The following REXO2 variants were observed in gnomAD, a reference collection of about 807,000 sequenced individuals.
The protein encoded by REXO2 is RNA exonuclease 2.
Under a neutral mutation model 30.9 loss-of-function variants are expected in REXO2, and 17 were observed. The ratio of observed to expected loss-of-function variants is 0.55; its 90% confidence interval spans 0.38 to 0.82. The LOEUF (loss-of-function observed/expected upper bound fraction) is 0.82, where lower values mean the gene tolerates loss of function less well. Among genes scored for constraint, REXO2 ranks in the 40% least tolerant of loss-of-function variants. The pLI, the probability that REXO2 is intolerant of heterozygous loss-of-function variation, is 0.00. For synonymous variants in REXO2, 105 were observed against 99.6 expected, an observed-to-expected ratio of 1.05 and a Z score of -0.32; for missense variants, 253 against 293.2, an observed-to-expected ratio of 0.86 and a Z score of 1.00.
At position 114,439,629 on chromosome 11, in the gene REXO2, C is replaced by T. The variant is rs144763868; in HGVS notation, c.101C>T (p.Ala34Val). 17 of 1,598,852 alleles carry T rather than the reference C, an allele frequency of 1.1e-5. No individual in the cohort carries two copies. The highest frequency in any genetic ancestry group is 1.3e-5 in the Non-Finnish European group (15 of 1,174,512). ...GTCCGCGAAGGTGGCGCAGCCATGG[C>T]GGCAGGGGAGAGCATGGCTCAGCGG... ...RGVREGGAAM[A>V]AGESMAQRMV... Residue 34 changes from alanine (A) to valine (V), a missense_variant, in exon 1 of 7, where the codon GCG becomes GTG. By Grantham distance (64) the Ala-to-Val change is moderately conservative. Transcript: ENST00000265881.
intron 2 of REXO2, 143 bp from the exon 3 acceptor site, chr11:114,443,713 A>T: frequency 1.7e-6 from 1 of 601,788 alleles, no homozygotes; most frequent in South Asian, 2.0e-5. Flanking sequence ...CAGTGCTGGA[A>T]TGAAGGGGGA....
intron 3 of REXO2, 35 bp downstream of exon 3, chr11:114,443,968 G>A: frequency 1.3e-6 from 2 of 1,482,890 alleles, no homozygotes; most frequent in Non-Finnish European, 9.3e-7. Flanking sequence ...GCTGCTTTGG[G>A]GATCAGTAGC....
intron 4 of REXO2, 151 bp downstream of exon 4, chr11:114,444,803 GTGT>G: frequency 2.3e-6 from 1 of 436,482 alleles, no homozygotes; most frequent in African/African-American, 2.0e-5. Context: ...AAGTTTCTCT[GTGT>G]AGTTTATAGC....
At position 114,441,945 on chromosome 11, in the gene REXO2, A is replaced by G. The variant is rs954578856; in HGVS notation, c.231+1206A>G. 4.3e-5 allele frequency: 25 copies of G among 585,228 alleles called. 1 individual carries two copies. Among genetic ancestry groups the G allele is most frequent in the Non-Finnish European group, 2.7e-5 (9 of 330,404 alleles). The allele number at this position is 585,228 out of a possible 1,614,324, so 36.3% of individuals were successfully genotyped here. A position where few individuals can be genotyped will look rare whatever the true frequency, so the allele number is the denominator to read the frequency against. On this transcript the variant is annotated intron_variant, in intron 2 of 6. Transcript: ENST00000265881. ...GTTACTTGGGATTTATTGGAGATCAATAGTGAAGAGAAGTGTCTTTATTTT... is the reference window on the plus strand; with the variant it reads ...GTTACTTGGGATTTATTGGAGATCAGTAGTGAAGAGAAGTGTCTTTATTTT...
chr11:114,444,492 C>T lies in REXO2; in HGVS notation c.310-49C>T, dbSNP rs111598041. 53 of 1,369,222 alleles carry T rather than the reference C, an allele frequency of 3.9e-5. 2 individuals are homozygous for T. The African/African-American group carries it at 6.0e-4, about 16-fold the overall frequency. The allele number at this position is 1,369,222 out of a possible 1,614,324, so 84.8% of individuals were successfully genotyped here. On this transcript the variant is annotated intron_variant, in intron 3 of 6. Transcript: ENST00000265881. ...TTTCATTTCTGGATGCCTTTGAAAA[C>T]TGACTTTACATGTGTTTTTGGTGGG...
Position 114,439,693 on chromosome 11 carries a change from G to A in REXO2, c.147+18G>A. Reference sequence around the variant, plus strand: ...ACCTGGAGGTGAGTGAGGTCGGCGGGGGGCTTGGGGAGGCGAGTGAGGTTT... The same window carrying A: ...ACCTGGAGGTGAGTGAGGTCGGCGGAGGGCTTGGGGAGGCGAGTGAGGTTT... On this transcript the variant is annotated intron_variant, in intron 1 of 6. Coordinates refer to ENST00000265881, the MANE Select transcript of REXO2 (RefSeq NM_015523.4). The A allele has an allele frequency of 6.8e-7, 1 of 1,477,830 alleles. No individual in the cohort carries two copies. Among genetic ancestry groups the A allele is most frequent in the African/African-American group, 1.4e-5 (1 of 70,600 alleles). The allele number at this position is 1,477,830 out of a possible 1,614,324, so 91.5% of individuals were successfully genotyped here.
intron 5 of REXO2, among the ~76,000 whole-genome samples, chr11:114,447,559 TG>T (rs1946517396): frequency 6.6e-6 from 1 of 152,058 alleles, no homozygotes; most frequent in South Asian, 2.1e-4. Flanking sequence ...AGATATCTAG[TG>T]GGCAGTTGCA....
In REXO2 at chr11:114,439,712, G is replaced by A. The variant is rs373894262; in HGVS notation, c.147+37G>A. On this transcript the variant is annotated intron_variant, in intron 1 of 6. Coordinates refer to ENST00000265881, the MANE Select transcript of REXO2 (RefSeq NM_015523.4). The stretch of plus-strand genomic sequence containing the variant: ...CGGCGGGGGGCTTGGGGAGGCGAGT[G>A]AGGTTTCGCTCGTGGAACCGAGGAG... 524 of 1,453,846 alleles carry A rather than the reference G, an allele frequency of 3.6e-4. 1 individual carries two copies. The highest frequency in any genetic ancestry group is 4.3e-4 in the Non-Finnish European group (480 of 1,106,338). 90.1% of individuals were successfully genotyped at this position (1,453,846 alleles called of 1,614,324 possible). A position where few individuals can be genotyped will look rare whatever the true frequency, so the allele number is the denominator to read the frequency against.
intron 5 of REXO2, 34 bp from the exon 6 acceptor site, chr11:114,447,792 C>T (rs1946518507): frequency 1.3e-6 from 2 of 1,581,598 alleles, no homozygotes; most frequent in African/African-American, 1.4e-5. Flanking sequence ...TTTGAGACAG[C>T]TTCCTTTGAG....
rs1043759278 is a variant in REXO2, at chr11:114,440,037, A to G, written c.147+362A>G. On this transcript the variant is annotated intron_variant, in intron 1 of 6. Coordinates refer to ENST00000265881, the MANE Select transcript of REXO2 (RefSeq NM_015523.4). ...CAGCTTCCCCCAACTAAATCCTTAA[A>G]GGACCCTAGGTTGTTAGGGCCAGAC... The G allele has an allele frequency of 2.2e-4, 103 of 473,044 alleles. No homozygotes were observed. The Admixed American group carries it at 2.7e-3, about 12-fold the overall frequency. 29.3% of individuals were successfully genotyped at this position (473,044 alleles called of 1,614,324 possible).
rs777308443 is a variant in REXO2 at position 114,445,984 on chromosome 11, T to A, written c.427T>A (p.Ser143Thr). Residue 143 changes from serine to threonine, a missense_variant, in exon 5 of 7, where the codon TCA (serine) becomes ACA (threonine). By Grantham distance (58) the Ser-to-Thr change is moderately conservative. Transcript: ENST00000265881. Reference protein sequence around the residue: ...PPGLCPLAGNSVHEDKKFLDK... With the variant: ...PPGLCPLAGNTVHEDKKFLDK... The stretch of plus-strand genomic sequence containing the variant: ...TATGCTTCGTGTCTTTCTAGGAAAT[T>A]CAGTTCATGAAGATAAGAAGTTTCT... 1 of 1,568,520 alleles carries A rather than the reference T, an allele frequency of 6.4e-7. No homozygotes were observed. The highest frequency in any genetic ancestry group is 8.8e-7 in the Non-Finnish European group (1 of 1,138,976).
chr11:114,446,577 A>T (rs1946511012), intron 5 of REXO2, among the ~76,000 whole-genome samples: 1 of 152,224 alleles, frequency 6.6e-6, no homozygotes, highest in Non-Finnish European at 1.5e-5. Context: ...CATAGCAAGG[A>T]AATAGCTTTG....
intron 6 of REXO2, among the ~76,000 whole-genome samples, chr11:114,448,777 C>A (rs1030688154): frequency 6.6e-6 from 1 of 152,232 alleles, no homozygotes; most frequent in Admixed American, 6.5e-5. Flanking sequence ...GTAATGATGA[C>A]TGTCAATAGC....
chr11:114,440,805 TC>T, intron 2 of REXO2, 66 bp downstream of exon 2: 1 of 1,231,566 alleles, frequency 8.1e-7, no homozygotes, highest in Non-Finnish European at 1.2e-6. Context: ...CATCATTTTT[TC>T]CAGCTTCTTT....
intron 5 of REXO2, among the ~76,000 whole-genome samples, chr11:114,446,999 C>T (rs1946513691): frequency 7.5e-6 from 1 of 133,022 alleles, no homozygotes; most frequent in Admixed American, 8.9e-5. Context: ...AGTGCTGTGG[C>T]GCGATCTCCG....
chr11:114,445,824 A>T (rs1213821941), intron 4 of REXO2, 155 bp from the exon 5 acceptor site: 1 of 588,156 alleles, frequency 1.7e-6, no homozygotes, highest in Non-Finnish European at 3.0e-6. Flanking sequence ...AGCTAATCAC[A>T]TTTACCCAAA....
chr11:114,444,719 A>T, intron 4 of REXO2, 67 bp downstream of exon 4: 1 of 997,370 alleles, frequency 1.0e-6, no homozygotes, highest in Non-Finnish European at 1.4e-6. Context: ...CTGCAGTTCC[A>T]GAAAGACTAG....
intron 1 of REXO2, chr11:114,439,903 T>TC (rs2134781269): frequency 5.2e-6 from 3 of 582,040 alleles, no homozygotes; most frequent in Admixed American, 3.3e-5. Flanking sequence ...GTCCTCCGTG[T>TC]GGCTTCTTCT....
In REXO2 at chr11:114,444,795, G is replaced by A. The variant is rs1196422129; in HGVS notation, c.421+143G>A. 3 of 442,496 alleles carry A rather than the reference G, an allele frequency of 6.8e-6. No homozygotes were observed. In the East Asian group the frequency reaches 1.1e-4, roughly 16 times the overall value. The allele number at this position is 442,496 out of a possible 1,614,324, so 27.4% of individuals were successfully genotyped here. On this transcript the variant is annotated intron_variant, in intron 4 of 6. Transcript: ENST00000265881. Reference sequence around the variant, plus strand: ...TACACATCTTAACTTTTCTGTTCAAGTTTCTCTGTGTAGTTTATAGCATGA... The same window carrying A: ...TACACATCTTAACTTTTCTGTTCAAATTTCTCTGTGTAGTTTATAGCATGA...
Sources: allele counts gnomAD v4.1 joint callset (sites outside exome capture counted in the v4.1 genomes callset), GRCh38; gene constraint gnomAD v4.1.1; transcripts MANE v1.5; gene names NCBI Gene and HGNC (gene_info 2026-07-23, HGNC 2026-07-21).